Variants in UBA2 observed in about 807,000 individuals in gnomAD.
UBA2 encodes the protein ubiquitin like modifier activating enzyme 2, also known as SUMO-activating enzyme subunit 2.
A neutral mutation model predicts 77.2 loss-of-function variants in UBA2; 11 were observed. The observed-to-expected ratio is 0.14, with a 90% confidence interval of 0.09 to 0.24. The LOEUF (loss-of-function observed/expected upper bound fraction) is 0.24. Among genes scored for constraint, UBA2 ranks in the 10% least tolerant of loss-of-function variants. The pLI is 1.00. For missense variants in UBA2, 487 were observed against 781.7 expected (o/e 0.62, Z 4.50); for synonymous variants, 278 against 276.7 (o/e 1.00, Z -0.05).
chr19:34,445,864 C>T (rs887821367), intron 8 of UBA2, among the ~76,000 whole-genome samples: 1 of 152,122 alleles, frequency 6.6e-6, no homozygotes, highest in Non-Finnish European at 1.5e-5. Context: ...GTAGTATATA[C>T]TATTTGCCTG....
At chr19:34,448,857 G>A (rs889593779) in intron 8 of UBA2, among the ~76,000 whole-genome samples, 4 of 152,022 alleles carry the variant, frequency 2.6e-5, no homozygotes, top group African/African-American at 9.7e-5. Context: ...AATCTGAGGG[G>A]CTCCTGATAT....
rs545579638 is a variant in UBA2 at position 34,434,137 on chromosome 19, T to TG, written c.359-725dup. Among the ~76,000 whole-genome samples, 90 of 152,294 alleles carry TG rather than the reference T, an allele frequency of 5.9e-4. 1 individual carries two copies. The South Asian group carries it at 0.015, about 26-fold the overall frequency. ...AAAATTACGTTTATTTTTTAAGGCT[T>TG]GGGGGGTCTCACTGTTGCCCAGACT... On this transcript the variant is annotated intron_variant, in intron 4 of 16. Coordinates refer to ENST00000246548, the MANE Select transcript of UBA2 (RefSeq NM_005499.3).
At chr19:34,456,095 C>CTTTTTTTTTTTTTTT (rs1393766434) in intron 12 of UBA2, among the ~76,000 whole-genome samples, 2 of 69,622 alleles carry the variant, frequency 2.9e-5, no homozygotes, top group East Asian at 7.6e-4. Context: ...TCTTTTTTTC[C>CTTTTTTTTTTTTTTT]TTTTCTTTTT....
intron 6 of UBA2, among the ~76,000 whole-genome samples, chr19:34,443,293 C>A (rs1433348110): frequency 6.6e-6 from 1 of 152,144 alleles, no homozygotes; most frequent in African/African-American, 2.4e-5. Context: ...GAGGTTTTAA[C>A]ATTGAAATGT....
At chr19:34,435,042 G>C in intron 5 of UBA2, 74 bp downstream of exon 5, 1 of 1,074,906 alleles carries the variant, frequency 9.3e-7, no homozygotes, top group Admixed American at 2.7e-5. Flanking sequence ...AATAAACTTT[G>C]TATTTATATA....
At chr19:34,468,968 A>G in intron 16 of UBA2, 72 bp from the exon 17 acceptor site, 1 of 1,324,596 alleles carries the variant, frequency 7.5e-7, no homozygotes, top group Non-Finnish European at 1.0e-6. Flanking sequence ...TTTCAATTAT[A>G]GAAAATACAG....
chr19:34,464,692 TGTA>T lies in UBA2; in HGVS notation c.1604+565_1604+567del, dbSNP rs57045180. On this transcript the variant is annotated intron_variant, in intron 15 of 16. Coordinates refer to ENST00000246548, the MANE Select transcript of UBA2 (RefSeq NM_005499.3). ...ACAGTTTAAACAGAGGCAAATTCAT[TGTA>T]GTAATTAAACTGGAATAAAATTATT... 1.7e-3 allele frequency among the ~76,000 whole-genome samples: 263 copies of T among 152,282 alleles called. 1 individual carries two copies. Among genetic ancestry groups the T allele is most frequent in the African/African-American group, 6.0e-3 (248 of 41,564 alleles).
At chr19:34,434,091 T>A (rs1055991283) in intron 4 of UBA2, among the ~76,000 whole-genome samples, 3 of 152,168 alleles carry the variant, frequency 2.0e-5, no homozygotes, top group African/African-American at 7.2e-5. Flanking sequence ...AATATCTAAA[T>A]AAAAAACACA....
intron 8 of UBA2, among the ~76,000 whole-genome samples, chr19:34,446,969 G>C (rs1236958353): frequency 6.6e-6 from 1 of 152,110 alleles, no homozygotes; most frequent in Non-Finnish European, 1.5e-5. Flanking sequence ...TCTAAAACAT[G>C]GTTGTATTAG....
At chr19:34,451,518 C>G (rs2075495979) in intron 9 of UBA2, among the ~76,000 whole-genome samples, 1 of 145,364 alleles carries the variant, frequency 6.9e-6, no homozygotes. Flanking sequence ...TTGTACCTTT[C>G]CTATCTCAGG....
intron 12 of UBA2, among the ~76,000 whole-genome samples, chr19:34,455,485 C>T (rs2145548498): frequency 6.6e-6 from 1 of 152,196 alleles, no homozygotes; most frequent in African/African-American, 2.4e-5. Context: ...TTCTTACCAG[C>T]TCAAGAAGGC....
intron 12 of UBA2, among the ~76,000 whole-genome samples, chr19:34,457,179 A>AAAAATATATATATATATATAT (rs1262007864): frequency 3.8e-5 from 2 of 53,220 alleles, no homozygotes; most frequent in Non-Finnish European, 6.0e-5. Flanking sequence ...AAAAAAAAAA[A>AAAAATATATATATATATATAT]ATATATATAT....
chr19:34,439,283 C>T (rs557823026), intron 6 of UBA2, among the ~76,000 whole-genome samples: 2 of 150,954 alleles, frequency 1.3e-5, no homozygotes, highest in African/African-American at 4.9e-5. Context: ...TGTAACTAAG[C>T]GATAAAAATC....
Position 34,445,272 on chromosome 19 carries a change from T to G in UBA2, c.771+151T>G, listed in dbSNP as rs1025452984. ...TGTCCTAATAAAATGATTGATGCAGTCAGGATATGCAAGTTTTAAAATGTT... is the reference window on the plus strand; with the variant it reads ...TGTCCTAATAAAATGATTGATGCAGGCAGGATATGCAAGTTTTAAAATGTT... On this transcript the variant is annotated intron_variant, in intron 8 of 16. Transcript: ENST00000246548. 4.1e-6 allele frequency: 3 copies of G among 739,728 alleles called. No individual in the cohort carries two copies. In the African/African-American group the frequency reaches 5.4e-5, roughly 13 times the overall value. The allele number at this position is 739,728 out of a possible 1,614,324, so 45.8% of individuals were successfully genotyped here. A position where few individuals can be genotyped will look rare whatever the true frequency, so the allele number is the denominator to read the frequency against.
chr19:34,464,920 G>A (rs977849358), intron 15 of UBA2, among the ~76,000 whole-genome samples: 8 of 151,942 alleles, frequency 5.3e-5, no homozygotes, highest in African/African-American at 1.9e-4. Flanking sequence ...GACCAGCCTG[G>A]CCAAAGGCTG....
chr19:34,435,547 C>T (rs575435858), intron 5 of UBA2, among the ~76,000 whole-genome samples: 6 of 150,148 alleles, frequency 4.0e-5, no homozygotes, highest in East Asian at 2.0e-4. Context: ...TTCTTTGTGT[C>T]GGCTGCGTGC....
chr19:34,433,682 C>T (rs1024781708), intron 4 of UBA2, among the ~76,000 whole-genome samples: 18 of 152,012 alleles, frequency 1.2e-4, no homozygotes, highest in East Asian at 3.9e-4. Context: ...GACTGTGGCT[C>T]AGCACAGTGG....
chr19:34,433,119 C>T, intron 3 of UBA2: 2 of 447,598 alleles, frequency 4.5e-6, no homozygotes, highest in Non-Finnish European at 7.9e-6. Context: ...AGTTTGAGAT[C>T]TTTCTCTTGT....
At chr19:34,458,636 G>T in intron 12 of UBA2, 133 bp from the exon 13 acceptor site, 3 of 467,754 alleles carry the variant, frequency 6.4e-6, no homozygotes, top group Non-Finnish European at 7.2e-6. Context: ...TGATTTTCCT[G>T]ATCCATTTTG....
Sources: allele counts gnomAD v4.1 joint callset (sites outside exome capture counted in the v4.1 genomes callset), GRCh38; gene constraint gnomAD v4.1.1; transcripts MANE v1.5; gene names NCBI Gene and HGNC (gene_info 2026-07-23, HGNC 2026-07-21).